ZDHHC11: variants seen among roughly 807,000 people sequenced by gnomAD.
ZDHHC11 encodes the protein palmitoyltransferase ZDHHC11.
A neutral mutation model predicts 51.3 loss-of-function variants in ZDHHC11; 44 were observed. The ratio of observed to expected loss-of-function variants is 0.86; its 90% CI spans 0.67 to 1.10. The LOEUF is 1.10. Among genes scored for constraint, ZDHHC11 ranks in the 50% least tolerant of loss-of-function variants. The pLI is 0.00. For synonymous variants in ZDHHC11, 163 were observed against 222.0 expected (o/e 0.73, Z 2.36); for missense variants, 400 against 537.7 (o/e 0.74, Z 2.53).
chr5:853,560 A>C (rs72491328), upstream of ZDHHC11, among the ~76,000 whole-genome samples: 8,732 of 139,782 alleles, frequency 0.062, 821 homozygotes, highest in African/African-American at 0.2. Flanking sequence ...CAGACCCCAC[A>C]GAGGACAGCA....
chr5:817,547 T>C (rs1320081124), intron 10 of ZDHHC11, among the ~76,000 whole-genome samples: 1 of 151,590 alleles, frequency 6.6e-6, no homozygotes, highest in African/African-American at 2.4e-5. Context: ...CTGTTACGTT[T>C]TGTGCTCTTA....
intron 10 of ZDHHC11, among the ~76,000 whole-genome samples, chr5:818,750 A>G (rs534050936): frequency 1.3e-5 from 2 of 151,416 alleles, no homozygotes; most frequent in Non-Finnish European, 3.0e-5. Context: ...AGTTTCAGCT[A>G]CTCGGGAGGC....
At chr5:825,279 C>T in intron 7 of ZDHHC11, 28 bp from the exon 8 acceptor site, 1 of 1,605,608 alleles carries the variant, frequency 6.2e-7, no homozygotes, top group Non-Finnish European at 8.5e-7. Flanking sequence ...AGGAGAGAAA[C>T]TCATCTCAGC....
At chr5:855,608 G>A (rs552024914), upstream of ZDHHC11, among the ~76,000 whole-genome samples, 8 of 145,956 alleles carry the variant, frequency 5.5e-5, no homozygotes, top group East Asian at 1.7e-3. Flanking sequence ...TGAGCAGCGG[G>A]GACAGACCCC....
intron 8 of ZDHHC11, among the ~76,000 whole-genome samples, chr5:822,945 T>C (rs1741752346): frequency 2.7e-5 from 4 of 150,668 alleles, no homozygotes; most frequent in Admixed American, 1.3e-4. Flanking sequence ...TGGATATTGT[T>C]GCCTTGGTGA....
chr5:804,712 T>C (rs1376646015), intron 11 of ZDHHC11, among the ~76,000 whole-genome samples: 1 of 151,292 alleles, frequency 6.6e-6, no homozygotes, highest in Non-Finnish European at 1.5e-5. Flanking sequence ...TTAAATGCCC[T>C]GGAAGGTGGA....
chr5:811,614 C>T (rs1740098680), intron 11 of ZDHHC11, among the ~76,000 whole-genome samples: 1 of 146,360 alleles, frequency 6.8e-6, no homozygotes, highest in South Asian at 2.1e-4. Flanking sequence ...CTCTGCCCAC[C>T]TGGGGAAGAC....
intron 1 of ZDHHC11, among the ~76,000 whole-genome samples, chr5:856,474 G>A (rs551507975): frequency 8.2e-5 from 11 of 134,418 alleles, no homozygotes; most frequent in African/African-American, 2.3e-4. Flanking sequence ...CGAAACACAC[G>A]AGACCACACA....
upstream of ZDHHC11, among the ~76,000 whole-genome samples, chr5:859,547 G>C (rs1033472715): frequency 6.6e-6 from 1 of 152,184 alleles, no homozygotes; most frequent in African/African-American, 2.4e-5. Flanking sequence ...CCGGGGGAGG[G>C]ACCTGCGCAG....
chr5:850,453 C>T lies in ZDHHC11; in HGVS notation c.150G>A (p.Val50=). 6.2e-7 allele frequency: 1 copy of T among 1,613,628 alleles called. No homozygotes were observed. The highest frequency in any genetic ancestry group is 8.5e-7 in the Non-Finnish European group (1 of 1,180,010). ...TCCCGAAGGTGGCCGAGGAAAGGCC[C>T]ACGAAGACAGCCCAGGTCACCACCT... ...YFQVVTWAVF[V]GLSSATFGIF... is the part of the protein sequence containing the mutation. Residue 50 remains valine, a synonymous_variant, in exon 1 of 13, where the codon GTG becomes GTA. Coordinates refer to ENST00000283441, the MANE Select transcript of ZDHHC11 (RefSeq NM_024786.3).
chr5:844,035 C>CAGAG (rs1267187908), intron 3 of ZDHHC11, among the ~76,000 whole-genome samples: 190 of 109,318 alleles, frequency 1.7e-3, no homozygotes, highest in Middle Eastern at 9.1e-3. Flanking sequence ...GTGTGGGGGG[C>CAGAG]GCAGGGGTGG....
At position 821,775 on chromosome 5, in the gene ZDHHC11, A is replaced by G. The variant is rs143339105; in HGVS notation, c.1058+86T>C. 589 of 1,337,192 alleles carry G rather than the reference A, an allele frequency of 4.4e-4. 11 individuals carry two copies. The African/African-American group carries it at 6.8e-3, about 15-fold the overall frequency. 82.8% of individuals were successfully genotyped at this position (1,337,192 alleles called of 1,614,324 possible). A position where few individuals can be genotyped will look rare whatever the true frequency, so the allele number is the denominator to read the frequency against. On this transcript the variant is annotated intron_variant, in intron 9 of 12. Coordinates refer to ENST00000283441, the MANE Select transcript of ZDHHC11 (RefSeq NM_024786.3). Reference sequence around the variant, plus strand: ...TATTTGAAGACATTAAATGGATGACATATTTTCCTAAGTAATTCGAGATGA... The same window carrying G: ...TATTTGAAGACATTAAATGGATGACGTATTTTCCTAAGTAATTCGAGATGA...
chr5:800,602 C>T (rs1738275441), intron 12 of ZDHHC11, among the ~76,000 whole-genome samples: 1 of 151,498 alleles, frequency 6.6e-6, no homozygotes, highest in East Asian at 1.9e-4. Flanking sequence ...CTTTAGCCTT[C>T]TAGTGAGTAA....
chr5:853,769 G>A (rs1747686209), upstream of ZDHHC11, among the ~76,000 whole-genome samples: 1 of 151,008 alleles, frequency 6.6e-6, no homozygotes, highest in South Asian at 2.1e-4. Context: ...AGCAAGCCGG[G>A]GGGACAGACC....
intron 11 of ZDHHC11, among the ~76,000 whole-genome samples, chr5:807,191 C>T (rs372481852): frequency 3.3e-5 from 5 of 150,346 alleles, no homozygotes; most frequent in Admixed American, 2.0e-4. Flanking sequence ...AATTTAGTAC[C>T]AAGTGAAAAA....
At chr5:808,885 A>G (rs1170268568) in intron 11 of ZDHHC11, among the ~76,000 whole-genome samples, 1 of 147,286 alleles carries the variant, frequency 6.8e-6, no homozygotes, top group African/African-American at 2.5e-5. Flanking sequence ...TTTTTAGTAG[A>G]GACAGGGTTT....
Position 850,371 on chromosome 5 carries a change from A to C in ZDHHC11, c.222+10T>G, listed in dbSNP as rs749449085. 6.2e-7 allele frequency: 1 copy of C among 1,613,258 alleles called. No homozygotes were observed. The highest frequency in any genetic ancestry group is 8.5e-7 in the Non-Finnish European group (1 of 1,179,814). On this transcript the variant is annotated intron_variant, in intron 1 of 12. Coordinates refer to ENST00000283441, the MANE Select transcript of ZDHHC11 (RefSeq NM_024786.3). ...CTCCCGCTTAGACCATGCCACGATG[A>C]AAAGGATACCACGTAGGCAATGTAT...
At chr5:839,911 G>A (rs1479671978) in intron 5 of ZDHHC11, 4 of 388,362 alleles carry the variant, frequency 1.0e-5, no homozygotes, top group Non-Finnish European at 1.9e-5. Flanking sequence ...CAAAACGGCT[G>A]GTGCCAGGAG....
intron 9 of ZDHHC11, 103 bp from the exon 10 acceptor site, chr5:819,715 G>C (rs532150103): frequency 8.2e-7 from 1 of 1,225,376 alleles, no homozygotes; most frequent in East Asian, 2.4e-5. Context: ...CTGCAGTGGG[G>C]CCCATGTGTC....
Sources: gnomAD v4.1 joint callset for allele counts (sites outside exome capture counted in the v4.1 genomes callset) on GRCh38, gnomAD v4.1.1 for gene constraint, MANE v1.5 for transcripts, NCBI Gene and HGNC (gene_info 2026-07-23, HGNC 2026-07-21) for gene names.